The following FHIT variants were observed in gnomAD, a reference collection of about 807,000 sequenced individuals.
The protein encoded by FHIT is fragile histidine triad diadenosine triphosphatase, also known as bis(5'-adenosyl)-triphosphatase.
A neutral mutation model predicts 17.9 loss-of-function variants in FHIT; 19 were observed. The observed-to-expected ratio is 1.06, with a 90% CI of 0.74 to 1.56. FHIT has a LOEUF of 1.56. FHIT is among the 40% of genes most tolerant of loss of function. FHIT has a pLI of 0.00. For missense variants in FHIT, 248 were observed against 189.2 expected, an observed-to-expected ratio of 1.31 and a Z score of -1.82; for synonymous variants, 81 against 69.7, an observed-to-expected ratio of 1.16 and a Z score of -0.81.
At chr3:60,299,027 T>G (rs575515635) in intron 5 of FHIT, among the ~76,000 whole-genome samples, 2 of 152,262 alleles carry the variant, frequency 1.3e-5, no homozygotes, top group South Asian at 4.1e-4. Flanking sequence ...GCACTGGTCT[T>G]GCATGGAAAA....
intron 5 of FHIT, among the ~76,000 whole-genome samples, chr3:60,043,956 G>C (rs986472414): frequency 2.0e-5 from 3 of 152,084 alleles, no homozygotes; most frequent in African/African-American, 4.8e-5. Context: ...AGGCCAACGT[G>C]GTGAGTGATA....
At chr3:60,961,740 G>A (rs910243639) in intron 3 of FHIT, among the ~76,000 whole-genome samples, 11 of 152,124 alleles carry the variant, frequency 7.2e-5, no homozygotes, top group East Asian at 3.8e-4. Context: ...GATTGTTGTC[G>A]ATGTGTGGTA....
At chr3:59,866,517 G>C (rs968735527) in intron 8 of FHIT, among the ~76,000 whole-genome samples, 1 of 152,168 alleles carries the variant, frequency 6.6e-6, no homozygotes, top group Non-Finnish European at 1.5e-5. Context: ...TCCACACAGA[G>C]AGTAGATTCC....
At chr3:61,139,927 C>T (rs1432210491) in intron 2 of FHIT, among the ~76,000 whole-genome samples, 1 of 150,988 alleles carries the variant, frequency 6.6e-6, no homozygotes, top group Non-Finnish European at 1.5e-5. Flanking sequence ...CAAAAACTGG[C>T]AACGTTCACT....
At chr3:59,864,265 G>C (rs1291206812) in intron 8 of FHIT, among the ~76,000 whole-genome samples, 1 of 152,050 alleles carries the variant, frequency 6.6e-6, no homozygotes, top group Non-Finnish European at 1.5e-5. Flanking sequence ...TGAATCATGG[G>C]GGCTGGTCTG....
At chr3:60,862,683 C>G (rs988094412) in intron 3 of FHIT, among the ~76,000 whole-genome samples, 1 of 151,952 alleles carries the variant, frequency 6.6e-6, no homozygotes, top group African/African-American at 2.4e-5. Context: ...AACCCCCTGT[C>G]TCTACTAAAA....
At chr3:60,379,066 T>G (rs1437923666) in intron 5 of FHIT, among the ~76,000 whole-genome samples, 1 of 152,176 alleles carries the variant, frequency 6.6e-6, no homozygotes, top group African/African-American at 2.4e-5. Flanking sequence ...GAAGAATCAA[T>G]TTTATCCCAG....
At chr3:60,039,506 C>A (rs575068067) in intron 5 of FHIT, among the ~76,000 whole-genome samples, 1 of 152,152 alleles carries the variant, frequency 6.6e-6, no homozygotes, top group African/African-American at 2.4e-5. Flanking sequence ...GCAAGAGAGT[C>A]CTTGGAGAAT....
chr3:60,321,353 G>A (rs1199326334), intron 5 of FHIT, among the ~76,000 whole-genome samples: 1 of 152,126 alleles, frequency 6.6e-6, no homozygotes, highest in African/African-American at 2.4e-5. Context: ...GCATACACCT[G>A]TAGTCTCAGC....
chr3:60,854,690 G>A (rs1364798591), intron 3 of FHIT, among the ~76,000 whole-genome samples: 1 of 151,910 alleles, frequency 6.6e-6, no homozygotes, highest in Non-Finnish European at 1.5e-5. Context: ...GAAAGAGGAT[G>A]CCAGCCAAGT....
rs569203654 is a variant in FHIT at position 60,108,427 on chromosome 3, T to C, written c.104-94275A>G. Among the ~76,000 whole-genome samples the C allele has an allele frequency of 1.1e-4, 16 of 152,216 alleles. No homozygotes were observed. In the South Asian group the frequency reaches 3.3e-3, roughly 32 times the overall value. On this transcript the variant is annotated intron_variant, in intron 5 of 9. Coordinates refer to ENST00000492590, the MANE Select transcript of FHIT (RefSeq NM_002012.4). Reference sequence around the variant, plus strand: ...AGGGGTTCATTGTCCAGTTTTTCTGTGTATTCATTTTGTTTTTATTTCATG... The same window carrying C: ...AGGGGTTCATTGTCCAGTTTTTCTGCGTATTCATTTTGTTTTTATTTCATG...
At chr3:60,482,461 C>G (rs746334027) in intron 5 of FHIT, among the ~76,000 whole-genome samples, 2 of 152,062 alleles carry the variant, frequency 1.3e-5, no homozygotes, top group Non-Finnish European at 1.5e-5. Flanking sequence ...TGCAAAAGAA[C>G]TGAAATCATA....
intron 2 of FHIT, among the ~76,000 whole-genome samples, chr3:61,080,166 C>A (rs1374029867): frequency 6.6e-6 from 1 of 152,124 alleles, no homozygotes; most frequent in East Asian, 1.9e-4. Flanking sequence ...TATTTTTACT[C>A]AAGTACTATT....
chr3:59,880,023 G>A (rs1703342329), intron 8 of FHIT, among the ~76,000 whole-genome samples: 1 of 143,322 alleles, frequency 7.0e-6, no homozygotes, highest in Non-Finnish European at 1.5e-5. Flanking sequence ...ATCAAAGACA[G>A]AACACAAGAT....
At chr3:59,776,493 G>A (rs1292922293) in intron 8 of FHIT, among the ~76,000 whole-genome samples, 2 of 152,162 alleles carry the variant, frequency 1.3e-5, no homozygotes, top group Non-Finnish European at 2.9e-5. Context: ...GGCCTGACTG[G>A]CTCCACTAGC....
At chr3:60,539,560 T>C (rs1419067293) in intron 4 of FHIT, among the ~76,000 whole-genome samples, 1 of 152,178 alleles carries the variant, frequency 6.6e-6, no homozygotes, top group Non-Finnish European at 1.5e-5. Flanking sequence ...CCAACAGTGA[T>C]AGACTAGATT....
chr3:60,405,813 C>G (rs1049361770), intron 5 of FHIT, among the ~76,000 whole-genome samples: 3 of 152,162 alleles, frequency 2.0e-5, no homozygotes, highest in Non-Finnish European at 2.9e-5. Flanking sequence ...CACAGCAGCC[C>G]CCAACGACAT....
chr3:60,513,885 G>A lies in FHIT; in HGVS notation c.103+22975C>T, dbSNP rs28472615. Among the ~76,000 whole-genome samples the A allele has an allele frequency of 2.0e-3, 298 of 152,166 alleles. 2 individuals carry two copies. The highest frequency in any genetic ancestry group is 6.4e-3 in the African/African-American group (266 of 41,464). ...AAGAACCCCAAACCCCACGCTCCAT[G>A]AGCAGAAGAGCAGCAGAGCGGCAGA... On this transcript the variant is annotated intron_variant, in intron 5 of 9. Transcript: ENST00000492590.
intron 8 of FHIT, among the ~76,000 whole-genome samples, chr3:59,889,957 C>G (rs1025663461): frequency 6.6e-6 from 1 of 152,116 alleles, no homozygotes; most frequent in Non-Finnish European, 1.5e-5. Context: ...AATATTATCT[C>G]TCTCTTTCAT....
Sources: allele counts gnomAD v4.1 joint callset (sites outside exome capture counted in the v4.1 genomes callset), GRCh38; gene constraint gnomAD v4.1.1; transcripts MANE v1.5; gene names NCBI Gene and HGNC (gene_info 2026-07-23, HGNC 2026-07-21).